The following DENND4A variants were observed in gnomAD, a reference collection of about 807,000 sequenced individuals.
DENND4A encodes the protein DENN domain containing 4A.
DENND4A carries 70 observed loss-of-function variants against 199.3 expected under a neutral mutation model. The ratio of observed to expected loss-of-function variants is 0.35; its 90% CI spans 0.29 to 0.43. The LOEUF is 0.43. DENND4A is among the 20% of genes least tolerant of loss of function. DENND4A has a pLI of 1.00. For missense variants in DENND4A, 1,723 were observed against 2,255.8 expected, an observed-to-expected ratio of 0.76 and a Z score of 4.78; for synonymous variants, 686 against 766.9, an observed-to-expected ratio of 0.89 and a Z score of 1.74.
chr15:65,676,128 A>G (rs898363477), intron 24 of DENND4A, among the ~76,000 whole-genome samples: 14 of 145,956 alleles, frequency 9.6e-5, no homozygotes, highest in African/African-American at 3.3e-4. Flanking sequence ...AAGACAGGGA[A>G]GTAATAAGGA....
intron 1 of DENND4A, among the ~76,000 whole-genome samples, chr15:65,770,180 C>A (rs1237122536): frequency 6.6e-6 from 1 of 152,090 alleles, no homozygotes; most frequent in Non-Finnish European, 1.5e-5. Context: ...TAGGAGTTGG[C>A]ATAAGGTTAA....
intron 1 of DENND4A, among the ~76,000 whole-genome samples, chr15:65,778,385 A>G (rs1383931924): frequency 6.6e-6 from 1 of 150,828 alleles, no homozygotes; most frequent in Non-Finnish European, 1.5e-5. Flanking sequence ...ATCTACACCC[A>G]TTTATCTTAA....
chr15:65,759,279 C>G (rs2076791195), intron 2 of DENND4A, among the ~76,000 whole-genome samples: 1 of 152,122 alleles, frequency 6.6e-6, no homozygotes, highest in African/African-American at 2.4e-5. Flanking sequence ...GAGTTCAAGA[C>G]CAGCCTGGCC....
At chr15:65,662,889 T>C (rs1419914055) in intron 32 of DENND4A, among the ~76,000 whole-genome samples, 1 of 152,098 alleles carries the variant, frequency 6.6e-6, no homozygotes, top group Non-Finnish European at 1.5e-5. Context: ...GGTCCGGAAT[T>C]TTTTAGACAT....
chr15:65,745,704 G>T (rs190061202), intron 4 of DENND4A, among the ~76,000 whole-genome samples: 1 of 152,122 alleles, frequency 6.6e-6, no homozygotes, highest in East Asian at 1.9e-4. Context: ...AATAACTTTG[G>T]TGACAATAAA....
intron 20 of DENND4A, among the ~76,000 whole-genome samples, chr15:65,698,439 A>T (rs2077229039): frequency 6.6e-6 from 1 of 152,170 alleles, no homozygotes; most frequent in Non-Finnish European, 1.5e-5. Context: ...GTAACAATGT[A>T]ATCTTTTTGT....
chr15:65,682,271 T>A (rs1417038035), intron 23 of DENND4A, among the ~76,000 whole-genome samples: 1 of 152,210 alleles, frequency 6.6e-6, no homozygotes, highest in East Asian at 1.9e-4. Context: ...TTGTTTAGTA[T>A]AGCCACCTTC....
intron 5 of DENND4A, among the ~76,000 whole-genome samples, chr15:65,739,322 A>G (rs2076191600): frequency 6.6e-6 from 1 of 152,224 alleles, no homozygotes; most frequent in African/African-American, 2.4e-5. Flanking sequence ...GCACAAATAC[A>G]GGAAAATTTT....
chr15:65,745,085 A>G lies in DENND4A; in HGVS notation c.562-3301T>C, dbSNP rs569200399. The stretch of plus-strand genomic sequence containing the variant: ...TTAGATGTACTTAAAAATCTGATGA[A>G]TAACAATGAGAAGATATCATAAATA... On this transcript the variant is annotated intron_variant, in intron 4 of 32. Coordinates refer to ENST00000443035, the MANE Select transcript of DENND4A (RefSeq NM_001320835.1). Among the ~76,000 whole-genome samples, 58 of 152,320 alleles carry G rather than the reference A, an allele frequency of 3.8e-4. No individual in the cohort carries two copies. The South Asian group carries it at 0.011, about 29-fold the overall frequency.
chr15:65,790,515 T>C (rs183977672), intron 1 of DENND4A, among the ~76,000 whole-genome samples: 1 of 152,252 alleles, frequency 6.6e-6, no homozygotes, highest in East Asian at 1.9e-4. Context: ...CACAGTGAAG[T>C]AGGTCTATGT....
At chr15:65,752,263 TTAA>T in intron 4 of DENND4A, 113 bp downstream of exon 4, 1 of 928,168 alleles carries the variant, frequency 1.1e-6, no homozygotes, top group Non-Finnish European at 1.4e-6. Flanking sequence ...AATTCTGTAA[TTAA>T]ACTATGCTGT....
At position 65,792,024 on chromosome 15, in the gene DENND4A, C is replaced by G. The variant is rs2077747044; in HGVS notation, c.-116G>C. 6.6e-6 allele frequency: 1 copy of G among 152,324 alleles called. No homozygotes were observed. The highest frequency in any genetic ancestry group is 1.5e-5 in the Non-Finnish European group (1 of 68,108). The allele number at this position is 152,324 out of a possible 1,614,324, so 9.4% of individuals were successfully genotyped here. A position where few individuals can be genotyped will look rare whatever the true frequency, so the allele number is the denominator to read the frequency against. On this transcript the variant is annotated 5_prime_UTR_variant, in exon 1 of 33. Coordinates refer to ENST00000443035, the MANE Select transcript of DENND4A (RefSeq NM_001320835.1). ...CCCGCACTCACCACCCAGCTGGCTC[C>G]CGTGCGAGCAGCGGATCGAGCTCGG...
At chr15:65,686,627 G>A (rs1050758589) in intron 23 of DENND4A, among the ~76,000 whole-genome samples, 1 of 152,036 alleles carries the variant, frequency 6.6e-6, no homozygotes, top group Non-Finnish European at 1.5e-5. Flanking sequence ...AGAACTCCTG[G>A]ACTCAAGCAA....
chr15:65,757,865 C>T (rs1399930263), intron 2 of DENND4A, among the ~76,000 whole-genome samples: 1 of 152,074 alleles, frequency 6.6e-6, no homozygotes, highest in Non-Finnish European at 1.5e-5. Flanking sequence ...GCCTGTAATT[C>T]CGCTACTTGG....
chr15:65,748,586 T>C (rs1363021708), intron 4 of DENND4A, among the ~76,000 whole-genome samples: 1 of 149,774 alleles, frequency 6.7e-6, no homozygotes, highest in Non-Finnish European at 1.5e-5. Context: ...GCTACTGATG[T>C]ACTCCAGCCT....
Position 65,660,160 on chromosome 15 carries a change from G to A in DENND4A, c.*1691C>T. ...CTGAATAGTAAAGAATAATATTGGA[G>A]TGGTATTTACAAAGGAGAGGCAGAT... is the stretch of plus-strand genomic sequence containing the variant. On this transcript the variant is annotated 3_prime_UTR_variant, in exon 33 of 33. Coordinates refer to ENST00000443035, the MANE Select transcript of DENND4A (RefSeq NM_001320835.1). The A allele has an allele frequency of 1.5e-6, 1 of 654,944 alleles. No individual in the cohort carries two copies. The highest frequency in any genetic ancestry group is 1.8e-5 in the South Asian group (1 of 55,920). The allele number at this position is 654,944 out of a possible 1,614,324, so 40.6% of individuals were successfully genotyped here.
At chr15:65,746,473 G>C (rs2076401203) in intron 4 of DENND4A, among the ~76,000 whole-genome samples, 1 of 130,124 alleles carries the variant, frequency 7.7e-6, no homozygotes, top group Non-Finnish European at 1.6e-5. Flanking sequence ...TGCAACCTCT[G>C]CCTCCCAGGT....
chr15:65,791,117 C>A (rs1047210186), intron 1 of DENND4A, among the ~76,000 whole-genome samples: 1 of 152,154 alleles, frequency 6.6e-6, no homozygotes, highest in Non-Finnish European at 1.5e-5. Context: ...TCTGCCCTCA[C>A]GGGTCTCTAG....
rs1330389531 is a variant in DENND4A, at chr15:65,661,837, C to T, written c.*14G>A. On this transcript the variant is annotated 3_prime_UTR_variant, in exon 33 of 33. Coordinates refer to ENST00000443035, the MANE Select transcript of DENND4A (RefSeq NM_001320835.1). ...ATACAATATACATTGAATGTTTACA[C>T]ATACAAATACATCTTAAAGATAAGG... The T allele has an allele frequency of 1.8e-5, 29 of 1,593,008 alleles. No homozygotes were observed. Among genetic ancestry groups the T allele is most frequent in the Non-Finnish European group, 2.4e-5 (28 of 1,168,002 alleles).
Sources: gnomAD v4.1 joint callset for allele counts (sites outside exome capture counted in the v4.1 genomes callset) on GRCh38, gnomAD v4.1.1 for gene constraint, MANE v1.5 for transcripts, NCBI Gene and HGNC (gene_info 2026-07-23, HGNC 2026-07-21) for gene names.